The following DGCR2 variants were observed in gnomAD, a reference collection of about 807,000 sequenced individuals.
DGCR2 encodes the protein integral membrane protein DGCR2/IDD.
A neutral mutation model predicts 51.6 loss-of-function variants in DGCR2; 24 were observed. The ratio of observed to expected loss-of-function variants is 0.47; its 90% CI spans 0.34 to 0.65. The LOEUF is 0.65. DGCR2 is among the 30% of genes least tolerant of loss of function. The pLI is 0.01. For missense variants in DGCR2, 765 were observed against 772.1 expected (o/e 0.99, Z 0.11); for synonymous variants, 340 against 315.4 (o/e 1.08, Z -0.82).
rs1438409460 is a variant in DGCR2, at chr22:19,120,221, G to A, written c.79+1907C>T. 4.6e-5 allele frequency among the ~76,000 whole-genome samples: 7 copies of A among 152,200 alleles called. No individual in the cohort carries two copies. The East Asian group carries it at 7.7e-4, about 17-fold the overall frequency. On this transcript the variant is annotated intron_variant, in intron 1 of 9. Coordinates refer to ENST00000263196, the MANE Select transcript of DGCR2 (RefSeq NM_005137.3). ...GGTAGCTGCAATGTTCTCATCTGGA[G>A]AGTCATGGAATCGAAAGAATAAGTT...
In DGCR2 at chr22:19,084,804, G is replaced by C. The variant is rs567545860; in HGVS notation, c.202+4564C>G. Among the ~76,000 whole-genome samples the C allele has an allele frequency of 1.9e-3, 221 of 116,850 alleles. 8 individuals carry two copies. Among genetic ancestry groups the C allele is most frequent in the South Asian group, 0.015 (50 of 3,282 alleles). The allele number at this position is 116,850 out of a possible 152,430, so 76.7% of individuals were successfully genotyped here. ...CCGGCCAGCCGCCCCGTCCGGGAAG[G>C]AGGTGGGGGGGCGCCTCCGCCCGGC... On this transcript the variant is annotated intron_variant, in intron 2 of 9. Coordinates refer to ENST00000263196, the MANE Select transcript of DGCR2 (RefSeq NM_005137.3).
chr22:19,068,272 G>A (rs374451806), intron 2 of DGCR2, 47 bp from the exon 3 acceptor site: 44 of 1,528,296 alleles, frequency 2.9e-5, no homozygotes, highest in South Asian at 5.1e-5. Flanking sequence ...CTGTGCAGTC[G>A]CAGTCTCCCT....
chr22:19,063,213 A>T lies in DGCR2; in HGVS notation c.614T>A (p.Val205Glu). 6.2e-7 allele frequency: 1 copy of T among 1,614,060 alleles called. No homozygotes were observed. The highest frequency in any genetic ancestry group is 8.5e-7 in the Non-Finnish European group (1 of 1,180,002). Residue 205 changes from valine to glutamate, a missense_variant, in exon 5 of 10, where the codon GTG becomes GAG. Val to Glu is a moderately radical substitution (Grantham distance 121). Around this residue, in one of 3 missense-constraint regions of DGCR2, gnomAD observed 370 missense variants for 325.5 expected, o/e 1.14. Transcript: ENST00000263196. ...RNRSLEGRWEVAFKGSSEVFL... is the reference protein window; with the variant it reads ...RNRSLEGRWEEAFKGSSEVFL... ...CCAGAAGGGCTCACCTTTGAATGCC[A>T]CCTCCCAGCGACCTTCCAAGGAGCG...
chr22:19,088,076 A>G (rs2083038043), intron 2 of DGCR2, among the ~76,000 whole-genome samples: 1 of 152,204 alleles, frequency 6.6e-6, no homozygotes, highest in East Asian at 1.9e-4. Flanking sequence ...CACAAGTTCA[A>G]ATGTCACCTA....
intron 5 of DGCR2, among the ~76,000 whole-genome samples, chr22:19,058,104 C>A (rs1003126606): frequency 2.7e-5 from 4 of 148,264 alleles, no homozygotes; most frequent in Non-Finnish European, 6.1e-5. Flanking sequence ...TTCTCACCTG[C>A]GTCTTTTGGA....
At chr22:19,101,820 C>T (rs1248045057) in intron 1 of DGCR2, among the ~76,000 whole-genome samples, 4 of 151,242 alleles carry the variant, frequency 2.6e-5, no homozygotes, top group South Asian at 2.1e-4. Context: ...TTTGGGAGGC[C>T]GAGGCAGGTG....
chr22:19,048,337 C>G, intron 7 of DGCR2, 103 bp downstream of exon 7: 1 of 1,246,364 alleles, frequency 8.0e-7, no homozygotes. Flanking sequence ...GCGCGATGCT[C>G]CATAAACTCT....
In DGCR2 at chr22:19,055,023, A is replaced by G. The variant is rs1004074861; in HGVS notation, c.802+1963T>C. On this transcript the variant is annotated intron_variant, in intron 6 of 9. Transcript: ENST00000263196. ...CCCAGCTACTCAGGAGGCTGAGACA[A>G]GAGAACTGCCTGAACCCGGGAGGCA... is the stretch of plus-strand genomic sequence containing the variant. Among the ~76,000 whole-genome samples the G allele has an allele frequency of 9.9e-5, 15 of 152,210 alleles. No homozygotes were observed. In the East Asian group the frequency reaches 2.7e-3, roughly 27 times the overall value.
intron 5 of DGCR2, among the ~76,000 whole-genome samples, chr22:19,062,779 A>ATTCTCATTCATT: frequency 7.9e-6 from 1 of 127,354 alleles, no homozygotes; most frequent in Non-Finnish European, 1.8e-5. Flanking sequence ...ATGCATGCTC[A>ATTCTCATTCATT]CTCTCTCTCT....
intron 6 of DGCR2, among the ~76,000 whole-genome samples, chr22:19,055,135 C>A (rs915501870): frequency 1.3e-5 from 2 of 151,800 alleles, no homozygotes; most frequent in Admixed American, 1.3e-4. Flanking sequence ...CAAAGAGTTT[C>A]AAAAATTCTA....
intron 2 of DGCR2, among the ~76,000 whole-genome samples, chr22:19,086,948 G>T (rs1035580814): frequency 6.6e-6 from 1 of 152,224 alleles, no homozygotes; most frequent in African/African-American, 2.4e-5. Flanking sequence ...TAACAGGACA[G>T]TTATTACAAA....
chr22:19,088,162 T>C (rs2083039071), intron 2 of DGCR2, among the ~76,000 whole-genome samples: 1 of 152,196 alleles, frequency 6.6e-6, no homozygotes, highest in Non-Finnish European at 1.5e-5. Flanking sequence ...ACAGCACACC[T>C]TTCATGTCCT....
chr22:19,057,150 A>C lies in DGCR2; in HGVS notation c.638T>G (p.Val213Gly). The change falls in exon 6 of 10, where the codon GTG becomes GGG. Residue 213 changes from valine (V) to glycine (G), a missense_variant. Coordinates refer to ENST00000263196, the MANE Select transcript of DGCR2 (RefSeq NM_005137.3). This position sits in a 1 kb window ranked among gnomAD's most constrained non-coding sequence, Gnocchi z 5.1. The stretch of plus-strand genomic sequence containing the variant: ...AAAGATGGGGTCTGGGGGCAGGAAC[A>C]CCTCTGAAGAGCCTGTTGGGGAGAC... ...WEVAFKGSSE[V>G]FLPPDPIFAS... 6.2e-7 allele frequency: 1 copy of C among 1,604,290 alleles called. No individual in the cohort carries two copies. Among genetic ancestry groups the C allele is most frequent in the Non-Finnish European group, 8.5e-7 (1 of 1,175,554 alleles).
intron 2 of DGCR2, among the ~76,000 whole-genome samples, chr22:19,082,054 G>GTT (rs1569068875): frequency 1.2e-4 from 14 of 116,560 alleles, no homozygotes; most frequent in African/African-American, 3.7e-4. Flanking sequence ...TGTTTTTTGG[G>GTT]GTTTTTTTTG....
chr22:19,062,358 G>A (rs2238744), intron 5 of DGCR2, among the ~76,000 whole-genome samples: 26,175 of 152,120 alleles, frequency 0.17, 2,408 homozygotes, highest in South Asian at 0.27. Context: ...CCCCGCCTCT[G>A]TGGGGCCCTC....
Position 19,122,176 on chromosome 22 carries a change from G to A in DGCR2, c.31C>T (p.Leu11=), listed in dbSNP as rs150441373. 2,998 of 1,511,922 alleles carry A rather than the reference G, an allele frequency of 2.0e-3. 22 individuals are homozygous for A. The highest frequency in any genetic ancestry group is 0.013 in the South Asian group (1,019 of 80,630). 93.7% of individuals were successfully genotyped at this position (1,511,922 alleles called of 1,614,324 possible). Residue 11 remains leucine (L), a synonymous_variant, in exon 1 of 10, where the codon CTG becomes TTG. Coordinates refer to ENST00000263196, the MANE Select transcript of DGCR2 (RefSeq NM_005137.3). MVPKADSGAF[L]LLFLLVLTVT... ...GTGAGCACGAGCAGGAAGAGCAGCAGGAAGGCGCCGCTGTCTGCCTTGGGC... is the reference window on the plus strand; with the variant it reads ...GTGAGCACGAGCAGGAAGAGCAGCAAGAAGGCGCCGCTGTCTGCCTTGGGC...
chr22:19,066,418 CAAA>C (rs1412115253), intron 3 of DGCR2, among the ~76,000 whole-genome samples: 8 of 150,670 alleles, frequency 5.3e-5, no homozygotes, highest in South Asian at 2.1e-4. Flanking sequence ...AAAAAACAAA[CAAA>C]AAACAAACAA....
rs2082436419 is a variant in DGCR2 at position 19,041,903 on chromosome 22, T to C, written c.1063A>G (p.Ile355Val). The part of the protein sequence containing the change: ...ASGMRLVVSC[I>V]SSFLILSLLL... ...AGTGACAGGATGAGGAAGGAGGAGA[T>C]GCAGCTGACGACCAGGCGCATCCCG... The change falls in exon 8 of 10, where the codon ATC becomes GTC. Residue 355 changes from isoleucine (I) to valine (V), a missense_variant. Ile to Val is a conservative substitution (Grantham distance 29, BLOSUM62 3). Coordinates refer to ENST00000263196, the MANE Select transcript of DGCR2 (RefSeq NM_005137.3). The C allele has an allele frequency of 1.9e-6, 3 of 1,613,626 alleles. No homozygotes were observed. Among genetic ancestry groups the C allele is most frequent in the Non-Finnish European group, 2.5e-6 (3 of 1,179,972 alleles).
intron 1 of DGCR2, among the ~76,000 whole-genome samples, chr22:19,108,791 G>A (rs1002132732): frequency 4.0e-5 from 6 of 151,152 alleles, no homozygotes; most frequent in African/African-American, 1.5e-4. Flanking sequence ...GGAGGCGGAG[G>A]TGGGAGGATT....
Sources: gnomAD v4.1 joint callset for allele counts (sites outside exome capture counted in the v4.1 genomes callset) on GRCh38, gnomAD v4.1.1 for gene constraint, gnomAD v4.1.1 regional missense constraint, Gnocchi (gnomAD v3.1) non-coding constraint, MANE v1.5 for transcripts, NCBI Gene and HGNC (gene_info 2026-07-23, HGNC 2026-07-21) for gene names.